Variants in ABCC1 observed in about 807,000 individuals in gnomAD.
The protein encoded by ABCC1 is multidrug resistance-associated protein 1.
A neutral mutation model predicts 172.9 loss-of-function variants in ABCC1; 83 were observed. That is an observed-to-expected ratio of 0.48 (90% CI 0.40 to 0.58). The LOEUF is 0.58. Among genes scored for constraint, ABCC1 ranks in the 20% least tolerant of loss-of-function variants. The probability of loss-of-function intolerance (pLI) is 0.00; values close to 1 mark genes in which losing one functional copy is unlikely to be tolerated. For missense variants in ABCC1, 1,817 were observed against 2,002.7 expected, an observed-to-expected ratio of 0.91 and a Z score of 1.77; for synonymous variants, 937 against 825.2, an observed-to-expected ratio of 1.14 and a Z score of -2.32.
chr16:15,966,401 C>T (rs2046242739), intron 1 of ABCC1, among the ~76,000 whole-genome samples: 1 of 89,802 alleles, frequency 1.1e-5, no homozygotes, highest in Non-Finnish European at 2.3e-5. Context: ...GACAGAGAGA[C>T]TTTATCTTAA....
chr16:16,096,215 C>T (rs1020699643), intron 19 of ABCC1, among the ~76,000 whole-genome samples: 3 of 146,622 alleles, frequency 2.0e-5, no homozygotes, highest in Non-Finnish European at 3.0e-5. Context: ...GGTAACAGAG[C>T]GAGACTGTCT....
In ABCC1 at chr16:16,048,158, A is replaced by C; in HGVS notation, c.1235A>C (p.Asn412Thr). Residue 412 changes from asparagine to threonine, a missense_variant, in exon 10 of 31, where the codon AAT becomes ACT. By Grantham distance (65) the Asn-to-Thr change is moderately conservative. Around this residue, in one of 3 missense-constraint regions of ABCC1, gnomAD observed 1,412 missense variants for 1,600.3 expected, o/e 0.88. Transcript: ENST00000399410. ...AVYRKALVIT[N>T]SARKSSTVGE... ...GTCCCACAGGCCCTGGTGATCACCA[A>C]TTCAGCCAGAAAATCCTCCACGGTC... 2 of 1,614,104 alleles carry C rather than the reference A, an allele frequency of 1.2e-6. No homozygotes were observed.
intron 2 of ABCC1, among the ~76,000 whole-genome samples, chr16:16,008,301 C>T: frequency 6.6e-6 from 1 of 151,910 alleles, no homozygotes. Flanking sequence ...ATCAGCTCTT[C>T]CCCTCTTACT....
At chr16:16,076,284 G>T (rs368704095) in intron 14 of ABCC1, 42 bp from the exon 15 acceptor site, 36 of 1,592,204 alleles carry the variant, frequency 2.3e-5, no homozygotes, top group Non-Finnish European at 2.9e-5. Context: ...ATGTGGAGTC[G>T]CACAGCTCAG....
intron 12 of ABCC1, among the ~76,000 whole-genome samples, chr16:16,065,752 A>C (rs906202836): frequency 6.6e-5 from 10 of 152,248 alleles, no homozygotes; most frequent in African/African-American, 2.4e-4. Context: ...ATTTTTTAAA[A>C]AATTTTGTAG....
chr16:16,093,299 C>T (rs748495991), intron 19 of ABCC1, among the ~76,000 whole-genome samples: 8 of 151,996 alleles, frequency 5.3e-5, no homozygotes, highest in Non-Finnish European at 1.0e-4. Flanking sequence ...TTTTGCCCAG[C>T]GTGAGGTCTG....
At chr16:16,031,529 C>G (rs1166784656) in intron 5 of ABCC1, among the ~76,000 whole-genome samples, 2 of 152,108 alleles carry the variant, frequency 1.3e-5, no homozygotes, top group African/African-American at 4.8e-5. Flanking sequence ...GAATGAAGAC[C>G]AAAATATGTG....
chr16:15,989,249 G>T (rs1285958580), intron 1 of ABCC1, among the ~76,000 whole-genome samples: 1 of 151,994 alleles, frequency 6.6e-6, no homozygotes, highest in Non-Finnish European at 1.5e-5. Flanking sequence ...TTTATTCTTA[G>T]CTCTGCTGAG....
At chr16:16,094,893 C>T (rs1229031100) in intron 19 of ABCC1, among the ~76,000 whole-genome samples, 2 of 148,660 alleles carry the variant, frequency 1.3e-5, no homozygotes, top group African/African-American at 2.5e-5. Context: ...TCTTGGCTCA[C>T]TGCAGCCTCC....
intron 5 of ABCC1, among the ~76,000 whole-genome samples, chr16:16,022,145 G>A (rs572767398): frequency 5.8e-4 from 89 of 152,330 alleles, no homozygotes; most frequent in African/African-American, 2.1e-3. Context: ...TGGGGCGGCT[G>A]GGGTCAGGTC....
chr16:16,015,956 G>C (rs938582009), intron 4 of ABCC1, among the ~76,000 whole-genome samples: 3 of 152,114 alleles, frequency 2.0e-5, no homozygotes, highest in Non-Finnish European at 2.9e-5. Flanking sequence ...GAGAGAGCCA[G>C]GCCTTGATAC....
At chr16:15,963,004 C>A (rs771487327) in intron 1 of ABCC1, among the ~76,000 whole-genome samples, 1 of 152,202 alleles carries the variant, frequency 6.6e-6, no homozygotes, top group Non-Finnish European at 1.5e-5. Context: ...TTTCACCTAT[C>A]AGCCTGTAAA....
intron 12 of ABCC1, among the ~76,000 whole-genome samples, chr16:16,066,190 CTT>C (rs71137908): frequency 6.6e-6 from 1 of 151,100 alleles, no homozygotes; most frequent in Non-Finnish European, 1.5e-5. Context: ...TGACTGTTTT[CTT>C]TTTTTTTGAG....
chr16:16,134,659 CAG>C (rs2045848753), intron 28 of ABCC1, 151 bp downstream of exon 28: 4 of 972,260 alleles, frequency 4.1e-6, no homozygotes, highest in African/African-American at 2.1e-5. Context: ...TTTCCTGAAA[CAG>C]GGTCTCGCTC....
intron 8 of ABCC1, 121 bp from the exon 9 acceptor site, chr16:16,045,715 T>C: frequency 2.0e-6 from 2 of 983,084 alleles, no homozygotes; most frequent in South Asian, 3.3e-5. Context: ...ATCTATGAAA[T>C]TGAAGTGATA....
intron 27 of ABCC1, among the ~76,000 whole-genome samples, chr16:16,132,193 T>TTTG (rs759636447): frequency 6.6e-6 from 1 of 152,036 alleles, no homozygotes; most frequent in Non-Finnish European, 1.5e-5. Context: ...TGGAAGATTT[T>TTTG]TTGTTGTTGT....
intron 1 of ABCC1, among the ~76,000 whole-genome samples, chr16:15,969,015 C>G (rs1474775808): frequency 2.0e-5 from 3 of 152,038 alleles, no homozygotes; most frequent in Non-Finnish European, 4.4e-5. Flanking sequence ...CAAGGCCAGG[C>G]TGTCCAACAT....
At chr16:16,039,564 C>T (rs1175746718) in intron 7 of ABCC1, among the ~76,000 whole-genome samples, 1 of 151,892 alleles carries the variant, frequency 6.6e-6, no homozygotes, top group Non-Finnish European at 1.5e-5. Context: ...CTACTGTGTC[C>T]GGCTGAGAGA....
At position 16,124,844 on chromosome 16, in the gene ABCC1, C is replaced by G. The variant is rs756770012; in HGVS notation, c.3646C>G (p.Leu1216Val). 10 of 1,614,080 alleles carry G rather than the reference C, an allele frequency of 6.2e-6. No individual in the cohort carries two copies. Among genetic ancestry groups the G allele is most frequent in the African/African-American group, 1.3e-5 (1 of 74,920 alleles). The change falls in exon 25 of 31, where the codon CTG becomes GTG. Residue 1216 changes from leucine to valine, a missense_variant. Physicochemically the swap from Leu to Val is conservative, Grantham distance 32 (BLOSUM62 1). Around this residue, in one of 3 missense-constraint regions of ABCC1, gnomAD observed 1,412 missense variants for 1,600.3 expected, o/e 0.88. Coordinates refer to ENST00000399410, the MANE Select transcript of ABCC1 (RefSeq NM_004996.4). ...VGNCIVLFAALFAVISRHSLS... is the reference protein window; with the variant it reads ...VGNCIVLFAAVFAVISRHSLS... The stretch of plus-strand genomic sequence containing the variant: ...CAACTGCATCGTTCTGTTTGCTGCC[C>G]TGTTTGCGGTGATCTCCAGGCACAG...
Sources: allele counts gnomAD v4.1 joint callset (sites outside exome capture counted in the v4.1 genomes callset), GRCh38; gene constraint gnomAD v4.1.1; regional missense constraint gnomAD v4.1.1; transcripts MANE v1.5; gene names NCBI Gene and HGNC (gene_info 2026-07-23, HGNC 2026-07-21).